SYCP2L: variants seen among roughly 807,000 people sequenced by gnomAD.
SYCP2L encodes synaptonemal complex protein 2-like.
In SYCP2L, 98 loss-of-function variants were observed where a neutral mutation model predicts 125.8. The observed-to-expected ratio is 0.78, with a 90% confidence interval of 0.66 to 0.92. SYCP2L has a LOEUF of 0.92. Among genes scored for constraint, SYCP2L ranks in the 40% least tolerant of loss-of-function variants. The probability of loss-of-function intolerance (pLI) is 0.00; values close to 1 mark genes in which losing one functional copy is unlikely to be tolerated. For synonymous variants in SYCP2L, 317 were observed against 325.4 expected (o/e 0.97, Z 0.28); for missense variants, 842 against 936.4 (o/e 0.90, Z 1.32).
intron 28 of SYCP2L, 147 bp from the exon 29 acceptor site, chr6:10,963,635 C>A (rs572710161): frequency 2.8e-6 from 2 of 713,920 alleles, no homozygotes; most frequent in South Asian, 3.6e-5. Context: ...TAATCTCTTA[C>A]GTTAATATCC....
At chr6:10,891,037 A>C (rs1368507459) in intron 1 of SYCP2L, among the ~76,000 whole-genome samples, 1 of 152,208 alleles carries the variant, frequency 6.6e-6, no homozygotes, top group Non-Finnish European at 1.5e-5. Context: ...ATTGGTCTAC[A>C]TATGTGTCTG....
chr6:10,973,499 T>A (rs189171359), intron 29 of SYCP2L, among the ~76,000 whole-genome samples: 1 of 152,292 alleles, frequency 6.6e-6, no homozygotes, highest in Non-Finnish European at 1.5e-5. Context: ...GCCACTGCAC[T>A]CCAGCCTTGC....
chr6:10,915,570 TC>T (rs2113328459), intron 14 of SYCP2L, among the ~76,000 whole-genome samples: 1 of 152,364 alleles, frequency 6.6e-6, no homozygotes, highest in Non-Finnish European at 1.5e-5. Flanking sequence ...CTGCATCTAT[TC>T]AGATGATCAT....
chr6:10,931,784 G>A (rs1010979599), intron 20 of SYCP2L, among the ~76,000 whole-genome samples: 3 of 152,056 alleles, frequency 2.0e-5, no homozygotes, highest in African/African-American at 7.2e-5. Context: ...GGGCAACATG[G>A]TGAAACTCCG....
At chr6:10,931,197 C>G (rs1302144499) in intron 19 of SYCP2L, among the ~76,000 whole-genome samples, 6 of 152,148 alleles carry the variant, frequency 3.9e-5, no homozygotes, top group African/African-American at 1.4e-4. Context: ...AAGGACACAA[C>G]AAGCATGTGA....
chr6:10,965,035 T>C (rs1781656473), intron 29 of SYCP2L, among the ~76,000 whole-genome samples: 1 of 152,126 alleles, frequency 6.6e-6, no homozygotes, highest in South Asian at 2.1e-4. Flanking sequence ...TACTAAGGGT[T>C]AGAGAAAATA....
chr6:10,927,920 G>C, intron 17 of SYCP2L, among the ~76,000 whole-genome samples: 1 of 152,134 alleles, frequency 6.6e-6, no homozygotes, highest in Non-Finnish European at 1.5e-5. Flanking sequence ...TCCTTGCTGA[G>C]AAAAAGAATT....
At chr6:10,897,872 G>A in intron 4 of SYCP2L, 139 bp from the exon 5 acceptor site, 1 of 635,394 alleles carries the variant, frequency 1.6e-6, no homozygotes, top group Non-Finnish European at 2.8e-6. Flanking sequence ...AGGCCTCAGA[G>A]CCAGGCCTCA....
chr6:10,903,360 A>G (rs1386135223), intron 8 of SYCP2L, among the ~76,000 whole-genome samples: 1 of 152,184 alleles, frequency 6.6e-6, no homozygotes, highest in South Asian at 2.1e-4. Flanking sequence ...CATCCTGGCT[A>G]ACACAGTGAA....
At chr6:10,910,893 C>T in intron 12 of SYCP2L, 24 bp downstream of exon 12, 1 of 1,613,302 alleles carries the variant, frequency 6.2e-7, no homozygotes, top group Non-Finnish European at 8.5e-7. Context: ...TCTTGGAGGT[C>T]CTGAGGGCGG....
intron 14 of SYCP2L, among the ~76,000 whole-genome samples, chr6:10,913,183 T>G (rs1046627839): frequency 6.6e-6 from 1 of 152,212 alleles, no homozygotes; most frequent in African/African-American, 2.4e-5. Context: ...AGAACTACCA[T>G]ATGATCCAGC....
At chr6:10,898,793 A>T (rs1161780205) in intron 5 of SYCP2L, 31 bp from the exon 6 acceptor site, 1 of 1,317,162 alleles carries the variant, frequency 7.6e-7, no homozygotes, top group East Asian at 2.3e-5. Flanking sequence ...TTAAAATAAT[A>T]TGAGCTTTAC....
chr6:10,894,068 G>T lies in SYCP2L; in HGVS notation c.217-17G>T. ...AATTATTTATAAGTGTTTTAACTTA[G>T]TGTGGTTTATACCTAGGAACTAGAT... On this transcript the variant is annotated splice_polypyrimidine_tract_variant and intron_variant, in intron 3 of 29. Coordinates refer to ENST00000283141, the MANE Select transcript of SYCP2L (RefSeq NM_001040274.3). The T allele has an allele frequency of 3.1e-6, 5 of 1,604,750 alleles. No individual in the cohort carries two copies. Among genetic ancestry groups the T allele is most frequent in the Non-Finnish European group, 4.2e-6 (5 of 1,177,736 alleles).
intron 1 of SYCP2L, 21 bp downstream of exon 1, chr6:10,887,156 C>T: frequency 6.2e-7 from 1 of 1,614,046 alleles, no homozygotes; most frequent in Non-Finnish European, 8.5e-7. Context: ...CCCGAAGGGC[C>T]CGGACCTTCT....
intron 21 of SYCP2L, among the ~76,000 whole-genome samples, chr6:10,937,494 C>G (rs1455198147): frequency 1.3e-5 from 2 of 151,930 alleles, no homozygotes; most frequent in Non-Finnish European, 2.9e-5. Flanking sequence ...AAGGAAAATC[C>G]CAAGTAACTT....
chr6:10,888,771 T>C (rs1780125539), intron 1 of SYCP2L, among the ~76,000 whole-genome samples: 1 of 152,234 alleles, frequency 6.6e-6, no homozygotes, highest in South Asian at 2.1e-4. Flanking sequence ...GGATGGGAAG[T>C]ATTTCCCACT....
intron 5 of SYCP2L, among the ~76,000 whole-genome samples, chr6:10,898,373 C>T (rs962606869): frequency 4.6e-5 from 7 of 151,836 alleles, no homozygotes; most frequent in African/African-American, 1.5e-4. Context: ...ATTCGCCGGG[C>T]GTGGTGGTGG....
chr6:10,945,293 A>G (rs982448429), intron 23 of SYCP2L, among the ~76,000 whole-genome samples: 7 of 152,164 alleles, frequency 4.6e-5, no homozygotes, highest in Non-Finnish European at 5.9e-5. Flanking sequence ...ATGTATATTC[A>G]TTAGGTTACT....
chr6:10,943,853 G>A (rs1581838145), intron 23 of SYCP2L, among the ~76,000 whole-genome samples: 1 of 152,030 alleles, frequency 6.6e-6, no homozygotes, highest in Non-Finnish European at 1.5e-5. Context: ...TCAATCATTT[G>A]TGAGATCCAT....
Sources: gnomAD v4.1 joint callset for allele counts (sites outside exome capture counted in the v4.1 genomes callset) on GRCh38, gnomAD v4.1.1 for gene constraint, MANE v1.5 for transcripts, NCBI Gene and HGNC (gene_info 2026-07-23, HGNC 2026-07-21) for gene names.